Variants in AP3B1 observed in about 807,000 individuals in gnomAD.
AP3B1 encodes adaptor related protein complex 3 subunit beta 1, also known as AP-3 complex subunit beta-1.
In AP3B1, 61 loss-of-function variants were observed where a neutral mutation model predicts 132.5. The observed-to-expected ratio is 0.46, with a 90% CI of 0.37 to 0.57. AP3B1 has a LOEUF of 0.57. AP3B1 is among the 20% of genes least tolerant of loss of function. The probability of loss-of-function intolerance (pLI) is 0.00; values close to 1 mark genes in which losing one functional copy is unlikely to be tolerated. For synonymous variants in AP3B1, 388 were observed against 438.3 expected (o/e 0.89, Z 1.43); for missense variants, 1,120 against 1,289.4 (o/e 0.87, Z 2.01).
rs779404585 is a variant in AP3B1 at position 78,267,528 on chromosome 5, T to C, written c.196A>G (p.Ile66Val). 25 of 1,609,732 alleles carry C rather than the reference T, an allele frequency of 1.6e-5. 1 individual carries two copies. The Middle Eastern group carries it at 3.3e-3, about 213-fold the overall frequency. Residue 66 changes from isoleucine to valine, a missense_variant, in exon 2 of 27, where the codon ATT (isoleucine) becomes GTT (valine). Physicochemically the swap from Ile to Val is conservative, Grantham distance 29. This residue lies in a region of AP3B1 where 85 missense variants were observed against 79.9 expected (regional missense o/e 1.06). Coordinates refer to ENST00000255194, the MANE Select transcript of AP3B1 (RefSeq NM_003664.5). ...DSAKLDAMKR[I>V]VGMIAKGKNA... ...ATGAGTATTTTACCTACCCCAACAA[T>C]CCGCTTCATAGCATCCAGTTTAGCA...
intron 16 of AP3B1, 97 bp from the exon 17 acceptor site, chr5:78,128,257 C>T: frequency 9.0e-7 from 1 of 1,110,434 alleles, no homozygotes; most frequent in Non-Finnish European, 1.3e-6. Flanking sequence ...CATATTACCT[C>T]AAATGTCAAG....
chr5:78,079,026 A>G (rs1325611490), intron 22 of AP3B1, among the ~76,000 whole-genome samples: 1 of 152,236 alleles, frequency 6.6e-6, no homozygotes, highest in East Asian at 1.9e-4. Context: ...TCATGAATAC[A>G]TTGCAAAATG....
At chr5:78,060,919 G>A (rs1749024255) in intron 22 of AP3B1, among the ~76,000 whole-genome samples, 1 of 152,190 alleles carries the variant, frequency 6.6e-6, no homozygotes, top group East Asian at 1.9e-4. Flanking sequence ...AATTTTTCTT[G>A]GAGGACTAAG....
Position 78,210,169 on chromosome 5 carries a change from G to A in AP3B1, c.786+5886C>T, listed in dbSNP as rs554728288. ...TTTTTTTAATAAATTCCACAGAATC[G>A]TGGATCTATAGTCCATTGGTAAGAC... On this transcript the variant is annotated intron_variant, in intron 7 of 26. Transcript: ENST00000255194. Among the ~76,000 whole-genome samples the A allele has an allele frequency of 2.0e-4, 31 of 152,072 alleles. No homozygotes were observed. In the South Asian group the frequency reaches 2.5e-3, roughly 12 times the overall value.
chr5:78,273,799 A>G (rs913031406), intron 1 of AP3B1, among the ~76,000 whole-genome samples: 1 of 152,060 alleles, frequency 6.6e-6, no homozygotes, highest in African/African-American at 2.4e-5. Context: ...AGTTCCATAA[A>G]CAAGACCTTA....
At chr5:78,285,929 A>T (rs1425105815) in intron 1 of AP3B1, among the ~76,000 whole-genome samples, 1 of 152,116 alleles carries the variant, frequency 6.6e-6, no homozygotes, top group Non-Finnish European at 1.5e-5. Flanking sequence ...TCCTTGCCTC[A>T]AATCTGCAGT....
At chr5:78,085,599 ATT>A (rs1750208602) in intron 22 of AP3B1, among the ~76,000 whole-genome samples, 1 of 152,092 alleles carries the variant, frequency 6.6e-6, no homozygotes, top group Non-Finnish European at 1.5e-5. Context: ...CCATAAATTA[ATT>A]TTTCCAGTTC....
Position 78,169,770 on chromosome 5 carries a change from A to G in AP3B1, c.1168-4098T>C, listed in dbSNP as rs927849633. On this transcript the variant is annotated intron_variant, in intron 11 of 26. Coordinates refer to ENST00000255194, the MANE Select transcript of AP3B1 (RefSeq NM_003664.5). ...ATTTATTTATTTATTTATTTATATT[A>G]TTATACATTAAGTTTTAGGGTATAT... 3.3e-5 allele frequency among the ~76,000 whole-genome samples: 5 copies of G among 150,442 alleles called. No individual in the cohort carries two copies. The South Asian group carries it at 1.0e-3, about 31-fold the overall frequency.
intron 17 of AP3B1, 64 bp from the exon 18 acceptor site, chr5:78,116,298 C>T: frequency 2.1e-6 from 3 of 1,401,916 alleles, no homozygotes; most frequent in Non-Finnish European, 3.0e-6. Flanking sequence ...TTCTGGCAAA[C>T]TTAATCATTA....
rs370362655 is a variant in AP3B1, at chr5:78,156,269, C to T, written c.1462G>A (p.Asp488Asn). 8.1e-6 allele frequency: 13 copies of T among 1,609,920 alleles called. No homozygotes were observed. The Admixed American group carries it at 1.0e-4, about 12-fold the overall frequency. The change falls in exon 14 of 27, where the codon GAC becomes AAC. Residue 488 changes from aspartate (D) to asparagine (N), a missense_variant. This residue lies in a region of AP3B1 where 906 missense variants were observed against 997.1 expected (regional missense o/e 0.91). Coordinates refer to ENST00000255194, the MANE Select transcript of AP3B1 (RefSeq NM_003664.5). ...TAATTGATACTCACAGTGATACTGTCCAGGAGTTTGGCCATATGTTTAATA... is the reference window on the plus strand; with the variant it reads ...TAATTGATACTCACAGTGATACTGTTCAGGAGTTTGGCCATATGTTTAATA... Reference protein sequence around the residue: ...EIIKHMAKLLDSITVPVARAS... With the variant: ...EIIKHMAKLLNSITVPVARAS...
At chr5:78,058,518 A>G (rs1401468534) in intron 22 of AP3B1, among the ~76,000 whole-genome samples, 1 of 152,102 alleles carries the variant, frequency 6.6e-6, no homozygotes, top group Non-Finnish European at 1.5e-5. Flanking sequence ...AAATGTTATT[A>G]TAATTCTGAT....
chr5:78,177,660 TTAATA>T (rs941721970), intron 8 of AP3B1, among the ~76,000 whole-genome samples: 1 of 152,130 alleles, frequency 6.6e-6, no homozygotes, highest in Non-Finnish European at 1.5e-5. Context: ...GCAGAAATTA[TTAATA>T]TAAGAATTGA....
At chr5:78,151,088 T>A (rs113218919) in intron 14 of AP3B1, among the ~76,000 whole-genome samples, 6,190 of 152,066 alleles carry the variant, frequency 0.041, 190 homozygotes, top group East Asian at 0.14. Context: ...CCAGCTAATT[T>A]TTGTATTTTT....
intron 7 of AP3B1, among the ~76,000 whole-genome samples, chr5:78,193,456 A>G (rs889243299): frequency 2.6e-5 from 4 of 151,852 alleles, no homozygotes; most frequent in Non-Finnish European, 5.9e-5. Flanking sequence ...AAATAAATGA[A>G]TTTGAAAGAC....
At chr5:78,274,292 A>G (rs1228269068) in intron 1 of AP3B1, among the ~76,000 whole-genome samples, 1 of 151,854 alleles carries the variant, frequency 6.6e-6, no homozygotes, top group African/African-American at 2.4e-5. Flanking sequence ...GAAATGGGAG[A>G]AAAAAAGGAT....
rs903939223 is a variant in AP3B1 at position 78,140,659 on chromosome 5, A to G, written c.1650+484T>C. On this transcript the variant is annotated intron_variant, in intron 15 of 26. Coordinates refer to ENST00000255194, the MANE Select transcript of AP3B1 (RefSeq NM_003664.5). ...ACCTCCTAATACCATCACATGGGTG[A>G]TCAGGTTTCACCACATGAACTTTGG... Among the ~76,000 whole-genome samples the G allele has an allele frequency of 9.8e-5, 15 of 152,318 alleles. No homozygotes were observed. The South Asian group carries it at 1.2e-3, about 13-fold the overall frequency.
intron 24 of AP3B1, among the ~76,000 whole-genome samples, chr5:78,027,826 T>A (rs1347012670): frequency 6.6e-6 from 1 of 152,148 alleles, no homozygotes; most frequent in Non-Finnish European, 1.5e-5. Flanking sequence ...CTTTATGGGT[T>A]AATAATTATG....
At chr5:78,276,795 G>A (rs1327130403) in intron 1 of AP3B1, among the ~76,000 whole-genome samples, 1 of 151,876 alleles carries the variant, frequency 6.6e-6, no homozygotes, top group Non-Finnish European at 1.5e-5. Flanking sequence ...CTTGAGTCTG[G>A]GAAGCTGAGG....
intron 1 of AP3B1, among the ~76,000 whole-genome samples, chr5:78,281,894 C>A (rs1329017589): frequency 6.6e-6 from 1 of 151,986 alleles, no homozygotes; most frequent in African/African-American, 2.4e-5. Context: ...TTGCTTGATA[C>A]CTTGTCAAAT....
Sources: allele counts gnomAD v4.1 joint callset (sites outside exome capture counted in the v4.1 genomes callset), GRCh38; gene constraint gnomAD v4.1.1; regional missense constraint gnomAD v4.1.1; transcripts MANE v1.5; gene names NCBI Gene and HGNC (gene_info 2026-07-23, HGNC 2026-07-21).